The following GJB5 variants were observed in gnomAD, a reference collection of about 807,000 sequenced individuals.
The protein encoded by GJB5 is gap junction protein beta 5.
For synonymous variants in GJB5, 146 were observed against 145.5 expected (o/e 1.00, Z -0.02); for missense variants, 333 against 357.9 (o/e 0.93, Z 0.56).
In GJB5 at chr1:34,758,236, A is replaced by G. The variant is rs919260702; in HGVS notation, c.*84A>G. The G allele has an allele frequency of 8.5e-6, 9 of 1,058,248 alleles. No homozygotes were observed. The highest frequency in any genetic ancestry group is 1.6e-5 in the African/African-American group (1 of 62,820). 65.6% of individuals were successfully genotyped at this position (1,058,248 alleles called of 1,614,324 possible). On this transcript the variant is annotated 3_prime_UTR_variant, in exon 2 of 2. Transcript: ENST00000338513. ...CATAGGTGCAACCTGAGAGTGGGGG[A>G]GCTAAGCCATGAGGTAGGGGCAGGC... is the stretch of plus-strand genomic sequence containing the variant.
chr1:34,757,478 G>A lies in GJB5; in HGVS notation c.148G>A (p.Asp50Asn), dbSNP rs768261235. ...AERVWSDDHK[D>N]FDCNTRQPGC... ...GCGTGTGTGGAGTGATGACCACAAG[G>A]ACTTCGACTGCAATACTCGCCAGCC... The change falls in exon 2 of 2, where the codon GAC becomes AAC. Residue 50 changes from aspartate (D) to asparagine (N), a missense_variant. Physicochemically the swap from Asp to Asn is conservative, Grantham distance 23 (BLOSUM62 1). Transcript: ENST00000338513. 1.1e-5 allele frequency: 18 copies of A among 1,614,026 alleles called. No individual in the cohort carries two copies. The African/African-American group carries it at 1.6e-4, about 14-fold the overall frequency.
rs962224688 is a variant in GJB5 at position 34,757,560 on chromosome 1, G to A, written c.230G>A (p.Trp77Ter). 2 of 1,614,088 alleles carry A rather than the reference G, an allele frequency of 1.2e-6. No individual in the cohort carries two copies. Among genetic ancestry groups the A allele is most frequent in the Middle Eastern group, 3.3e-4 (2 of 6,062 alleles). ...EFFPVSHVRL[W>*]ALQLILVTCP... ...TTCCCTGTGTCCCATGTGCGCCTCT[G>A]GGCCCTGCAGCTTATCCTGGTGACA... The change falls in exon 2 of 2, where the codon TGG (tryptophan) becomes TAG (stop). Residue 77 changes from tryptophan (W) to a stop codon, truncating the protein, a stop_gained. Coordinates refer to ENST00000338513, the MANE Select transcript of GJB5 (RefSeq NM_005268.4). LOFTEE classifies it low-confidence loss of function (END_TRUNC).
At chr1:34,756,969 C>T (rs774568975) in intron 1 of GJB5, among the ~76,000 whole-genome samples, 5 of 152,214 alleles carry the variant, frequency 3.3e-5, no homozygotes, top group Non-Finnish European at 5.9e-5. Flanking sequence ...AATGTCCCAG[C>T]TCCACCAGTC....
At chr1:34,757,006 A>G (rs1412019858) in intron 1 of GJB5, among the ~76,000 whole-genome samples, 1 of 152,194 alleles carries the variant, frequency 6.6e-6, no homozygotes, top group African/African-American at 2.4e-5. Context: ...TCAAGACCAG[A>G]GCCTCAGGCC....
intron 1 of GJB5, among the ~76,000 whole-genome samples, chr1:34,756,180 A>G (rs578094182): frequency 2.9e-4 from 44 of 152,290 alleles, no homozygotes; most frequent in Admixed American, 2.5e-3. Flanking sequence ...ACCACAGTGC[A>G]TGGGTCTTAA....
chr1:34,757,390 T>C lies in GJB5; in HGVS notation c.60T>C (p.Phe20=). 6.2e-7 allele frequency: 1 copy of C among 1,614,176 alleles called. No homozygotes were observed. Among genetic ancestry groups the C allele is most frequent in the Non-Finnish European group, 8.5e-7 (1 of 1,180,028 alleles). The change falls in exon 2 of 2, where the codon TTT becomes TTC. Residue 20 remains phenylalanine, a synonymous_variant. Transcript: ENST00000338513. ...GGGTCAACAAGTACTCCACAGCCTTTGGGCGCATCTGGCTGTCTCTGGTCT... is the reference window on the plus strand; with the variant it reads ...GGGTCAACAAGTACTCCACAGCCTTCGGGCGCATCTGGCTGTCTCTGGTCT... ...LSGVNKYSTA[F]GRIWLSLVFI...
Position 34,757,617 on chromosome 1 carries a change from C to T in GJB5, c.287C>T (p.Ala96Val), listed in dbSNP as rs1182481840. 1 of 1,614,102 alleles carries T rather than the reference C, an allele frequency of 6.2e-7. No individual in the cohort carries two copies. The change falls in exon 2 of 2, where the codon GCC becomes GTC. Residue 96 changes from alanine to valine, a missense_variant. Coordinates refer to ENST00000338513, the MANE Select transcript of GJB5 (RefSeq NM_005268.4). ...TCACTGCTCGTGGTCATGCACGTGG[C>T]CTACCGGGAGGTTCAGGAGAAGAGG... The part of the protein sequence containing the change: ...CPSLLVVMHV[A>V]YREVQEKRHR...
Position 34,757,863 on chromosome 1 carries a change from C to G in GJB5, c.533C>G (p.Ser178Cys). 6.2e-7 allele frequency: 1 copy of G among 1,614,028 alleles called. No individual in the cohort carries two copies. The highest frequency in any genetic ancestry group is 8.5e-7 in the Non-Finnish European group (1 of 1,180,014). The part of the protein sequence containing the change: ...PCPNIVDCFI[S>C]KPSEKNIFTL... ...CCCAATATAGTGGACTGCTTCATCT[C>G]CAAGCCCTCAGAGAAGAACATTTTC... is the stretch of plus-strand genomic sequence containing the variant. The change falls in exon 2 of 2, where the codon TCC becomes TGC. Residue 178 changes from serine to cysteine, a missense_variant. Transcript: ENST00000338513.
rs538407368 is a variant in GJB5, at chr1:34,758,231, G to T, written c.*79G>T. The T allele has an allele frequency of 1.7e-3, 1,891 of 1,103,930 alleles. 21 individuals carry two copies. The African/African-American group carries it at 0.024, about 14-fold the overall frequency. 68.4% of individuals were successfully genotyped at this position (1,103,930 alleles called of 1,614,324 possible). On this transcript the variant is annotated 3_prime_UTR_variant, in exon 2 of 2. Transcript: ENST00000338513. ...TCTCTCATAGGTGCAACCTGAGAGTGGGGGAGCTAAGCCATGAGGTAGGGG... is the reference window on the plus strand; with the variant it reads ...TCTCTCATAGGTGCAACCTGAGAGTTGGGGAGCTAAGCCATGAGGTAGGGG...
At position 34,757,700 on chromosome 1, in the gene GJB5, C is replaced by G. The variant is rs142568989; in HGVS notation, c.370C>G (p.Arg124Gly). Residue 124 changes from arginine to glycine, a missense_variant, in exon 2 of 2, where the codon CGG (arginine) becomes GGG (glycine). Arg to Gly is a moderately radical substitution (Grantham distance 125). Transcript: ENST00000338513. The stretch of plus-strand genomic sequence containing the variant: ...CCTCTACCTGAACCCCGGCAAGAAG[C>G]GGGGTGGGCTCTGGTGGACATATGT... ...GRLYLNPGKK[R>G]GGLWWTYVCS... 4 of 1,613,862 alleles carry G rather than the reference C, an allele frequency of 2.5e-6. No homozygotes were observed. Among genetic ancestry groups the G allele is most frequent in the Non-Finnish European group, 1.7e-6 (2 of 1,179,994 alleles).
At chr1:34,756,399 T>A (rs953657295) in intron 1 of GJB5, among the ~76,000 whole-genome samples, 1 of 152,242 alleles carries the variant, frequency 6.6e-6, no homozygotes, top group African/African-American at 2.4e-5. Context: ...ATAAATGTTA[T>A]GTCAGGAGGA....
chr1:34,757,721 T>C lies in GJB5; in HGVS notation c.391T>C (p.Tyr131His), dbSNP rs768778915. ...GAAGCGGGGTGGGCTCTGGTGGACA[T>C]ATGTCTGCAGCCTAGTGTTCAAGGC... ...GKKRGGLWWT[Y>H]VCSLVFKASV... The change falls in exon 2 of 2, where the codon TAT (tyrosine) becomes CAT (histidine). Residue 131 changes from tyrosine (Y) to histidine (H), a missense_variant. Transcript: ENST00000338513. 6.2e-6 allele frequency: 10 copies of C among 1,613,928 alleles called. No individual in the cohort carries two copies. Among genetic ancestry groups the C allele is most frequent in the South Asian group, 1.1e-5 (1 of 91,076 alleles).
In GJB5 at chr1:34,758,478, G is replaced by A. The variant is rs1016667036; in HGVS notation, c.*326G>A. ...GCACCTTCATCGTGTGTGGCCCACTGTCAGAACTTAATAAAAGTCAACTCA... is the reference window on the plus strand; with the variant it reads ...GCACCTTCATCGTGTGTGGCCCACTATCAGAACTTAATAAAAGTCAACTCA... On this transcript the variant is annotated 3_prime_UTR_variant, in exon 2 of 2. Coordinates refer to ENST00000338513, the MANE Select transcript of GJB5 (RefSeq NM_005268.4). 6 of 357,878 alleles carry A rather than the reference G, an allele frequency of 1.7e-5. No homozygotes were observed. The highest frequency in any genetic ancestry group is 2.7e-5 in the Non-Finnish European group (5 of 185,518). 22.2% of individuals were successfully genotyped at this position (357,878 alleles called of 1,614,324 possible).
Position 34,757,474 on chromosome 1 carries a change from CA to C in GJB5, c.146del (p.Lys49ArgfsTer36), listed in dbSNP as rs755960175. 196 of 1,614,032 alleles carry C rather than the reference CA, an allele frequency of 1.2e-4. No individual in the cohort carries two copies. The highest frequency in any genetic ancestry group is 1.6e-4 in the Non-Finnish European group (189 of 1,180,046). ...TAERVWSDDH[K>X]DFDCNTRQPG... ...CCGAGCGTGTGTGGAGTGATGACCACAAGGACTTCGACTGCAATACTCGCCA... is the reference window on the plus strand; with the variant it reads ...CCGAGCGTGTGTGGAGTGATGACCACAGGACTTCGACTGCAATACTCGCCA... On this transcript the variant is annotated frameshift_variant, in exon 2 of 2. Transcript: ENST00000338513. LOFTEE classifies it low-confidence loss of function (END_TRUNC).
In GJB5 at chr1:34,758,032, C is replaced by T. The variant is rs1206918234; in HGVS notation, c.702C>T (p.Thr234=). ...GCACAGGTCATCACCCCCACGGTACCACCTCTTCCTGCAAACAAGACGACC... is the reference window on the plus strand; with the variant it reads ...GCACAGGTCATCACCCCCACGGTACTACCTCTTCCTGCAAACAAGACGACC... The part of the protein sequence containing the change: ...AMCTGHHPHG[T]TSSCKQDDLL... The change falls in exon 2 of 2, where the codon ACC becomes ACT. Residue 234 remains threonine (T), a synonymous_variant. Coordinates refer to ENST00000338513, the MANE Select transcript of GJB5 (RefSeq NM_005268.4). 1.2e-6 allele frequency: 2 copies of T among 1,613,866 alleles called. No individual in the cohort carries two copies. Among genetic ancestry groups the T allele is most frequent in the Non-Finnish European group, 1.7e-6 (2 of 1,180,000 alleles).
Position 34,758,226 on chromosome 1 carries a change from A to T in GJB5, c.*74A>T. 1 of 1,129,414 alleles carries T rather than the reference A, an allele frequency of 8.9e-7. No homozygotes were observed. 70.0% of individuals were successfully genotyped at this position (1,129,414 alleles called of 1,614,324 possible). A position where few individuals can be genotyped will look rare whatever the true frequency, so the allele number is the denominator to read the frequency against. ...TAGCATCTCTCATAGGTGCAACCTG[A>T]GAGTGGGGGAGCTAAGCCATGAGGT... is the stretch of plus-strand genomic sequence containing the variant. On this transcript the variant is annotated 3_prime_UTR_variant, in exon 2 of 2. Coordinates refer to ENST00000338513, the MANE Select transcript of GJB5 (RefSeq NM_005268.4).
In GJB5 at chr1:34,757,544, TC is replaced by T. The variant is rs749313237; in HGVS notation, c.217del (p.His73MetfsTer12). 1 of 1,614,122 alleles carries T rather than the reference TC, an allele frequency of 6.2e-7. No individual in the cohort carries two copies. The highest frequency in any genetic ancestry group is 8.5e-7 in the Non-Finnish European group (1 of 1,180,014). ...CTGCTTTGATGAGTTCTTCCCTGTG[TC>T]CCATGTGCGCCTCTGGGCCCTGCAG... ...NVCFDEFFPV[S>X]HVRLWALQLI... On this transcript the variant is annotated frameshift_variant, in exon 2 of 2. Coordinates refer to ENST00000338513, the MANE Select transcript of GJB5 (RefSeq NM_005268.4). LOFTEE classifies it low-confidence loss of function (END_TRUNC).
chr1:34,757,699 G>A lies in GJB5; in HGVS notation c.369G>A (p.Lys123=), dbSNP rs1205519729. ...SGRLYLNPGK[K]RGGLWWTYVC... is the part of the protein sequence containing the mutation. The stretch of plus-strand genomic sequence containing the variant: ...GCCTCTACCTGAACCCCGGCAAGAA[G>A]CGGGGTGGGCTCTGGTGGACATATG... The change falls in exon 2 of 2, where the codon AAG becomes AAA. Residue 123 remains lysine, a synonymous_variant. Transcript: ENST00000338513. 6.2e-7 allele frequency: 1 copy of A among 1,614,034 alleles called. No homozygotes were observed.
Position 34,758,168 on chromosome 1 carries a change from G to A in GJB5, c.*16G>A. On this transcript the variant is annotated 3_prime_UTR_variant, in exon 2 of 2. Transcript: ENST00000338513. ...CATCTTGTGAGGGGCTGCCTGGACT[G>A]GTCTGGCAGGTTGGGCCTGGATGGG... The A allele has an allele frequency of 6.2e-7, 1 of 1,602,668 alleles. No individual in the cohort carries two copies. Among genetic ancestry groups the A allele is most frequent in the Non-Finnish European group, 8.5e-7 (1 of 1,171,016 alleles).
Sources: gnomAD v4.1 joint callset for allele counts (sites outside exome capture counted in the v4.1 genomes callset) on GRCh38, gnomAD v4.1.1 for gene constraint, MANE v1.5 for transcripts, NCBI Gene and HGNC (gene_info 2026-07-23, HGNC 2026-07-21) for gene names.